Variants in MSI2 observed in about 807,000 individuals in gnomAD.
The protein encoded by MSI2 is musashi RNA binding protein 2.
Under a neutral mutation model 45.6 loss-of-function variants are expected in MSI2, and 17 were observed. The ratio of observed to expected loss-of-function variants is 0.37; its 90% CI spans 0.26 to 0.56. The LOEUF is 0.56. MSI2 is among the 20% of genes least tolerant of loss of function. MSI2 has a pLI of 0.77. For missense variants in MSI2, 293 were observed against 444.2 expected, an observed-to-expected ratio of 0.66 and a Z score of 3.06; for synonymous variants, 156 against 158.2, an observed-to-expected ratio of 0.99 and a Z score of 0.11.
intron 6 of MSI2, among the ~76,000 whole-genome samples, chr17:57,417,992 G>A (rs1476595908): frequency 1.3e-5 from 2 of 152,014 alleles, no homozygotes; most frequent in Non-Finnish European, 2.9e-5. Context: ...CCTCTCATTC[G>A]TAGCTCCAAG....
chr17:57,300,461 T>C (rs1911331437), intron 5 of MSI2, among the ~76,000 whole-genome samples: 1 of 152,214 alleles, frequency 6.6e-6, no homozygotes. Flanking sequence ...AGTATATTTC[T>C]CTATATTTTT....
At chr17:57,262,292 A>G in intron 5 of MSI2, 100 bp downstream of exon 5, 1 of 1,276,234 alleles carries the variant, frequency 7.8e-7, no homozygotes, top group East Asian at 2.3e-5. Flanking sequence ...GAAGCCTGGT[A>G]TTCACTGTTC....
intron 6 of MSI2, among the ~76,000 whole-genome samples, chr17:57,492,254 C>T (rs1190103230): frequency 6.6e-6 from 1 of 152,090 alleles, no homozygotes; most frequent in African/African-American, 2.4e-5. Flanking sequence ...ATATGAGTAC[C>T]GAAGGTGATG....
At position 57,605,288 on chromosome 17, in the gene MSI2, G is replaced by A. The variant is rs1215902084; in HGVS notation, c.537+8338G>A. Among the ~76,000 whole-genome samples the A allele has an allele frequency of 2.6e-5, 4 of 152,208 alleles. No homozygotes were observed. In the East Asian group the frequency reaches 7.7e-4, roughly 29 times the overall value. On this transcript the variant is annotated intron_variant, in intron 8 of 13. Coordinates refer to ENST00000284073, the MANE Select transcript of MSI2 (RefSeq NM_138962.4). The stretch of plus-strand genomic sequence containing the variant: ...AGAGCAGAGTGATTAGTGTGTTGGG[G>A]GAGGCCGGGTGGTTCGGTGGTAAAT...
At chr17:57,326,774 A>T (rs754231411) in intron 5 of MSI2, among the ~76,000 whole-genome samples, 1 of 152,218 alleles carries the variant, frequency 6.6e-6, no homozygotes, top group Non-Finnish European at 1.5e-5. Flanking sequence ...GCTGCTGCTG[A>T]AGTAGCTTGC....
intron 6 of MSI2, among the ~76,000 whole-genome samples, chr17:57,433,627 T>G (rs149542916): frequency 6.6e-6 from 1 of 152,342 alleles, no homozygotes; most frequent in East Asian, 1.9e-4. Flanking sequence ...AGCTGTGTTT[T>G]GAAGCCACGA....
In MSI2 at chr17:57,465,886, AG is replaced by A. The variant is rs535721923; in HGVS notation, c.406-63789del. Among the ~76,000 whole-genome samples, 100 of 152,310 alleles carry A rather than the reference AG, an allele frequency of 6.6e-4. 1 individual carries two copies. The highest frequency in any genetic ancestry group is 2.4e-3 in the African/African-American group (99 of 41,576). On this transcript the variant is annotated intron_variant, in intron 6 of 13. Coordinates refer to ENST00000284073, the MANE Select transcript of MSI2 (RefSeq NM_138962.4). ...TTTAGAGAACGTTAGCTCAGCTCTGAGCCCCGTAGAAGGGTTTCCAAAGTCT... is the reference window on the plus strand; with the variant it reads ...TTTAGAGAACGTTAGCTCAGCTCTGACCCCGTAGAAGGGTTTCCAAAGTCT...
chr17:57,474,171 G>A (rs969049205), intron 6 of MSI2, among the ~76,000 whole-genome samples: 3 of 152,026 alleles, frequency 2.0e-5, no homozygotes, highest in Admixed American at 6.6e-5. Context: ...ATGGGCCACC[G>A]GTACTGTTTC....
At chr17:57,583,282 G>A (rs1269300339) in intron 7 of MSI2, among the ~76,000 whole-genome samples, 1 of 152,174 alleles carries the variant, frequency 6.6e-6, no homozygotes, top group Non-Finnish European at 1.5e-5. Flanking sequence ...CTGTGCTCAG[G>A]TGAGTAAATG....
chr17:57,424,364 G>A (rs2084451957), intron 6 of MSI2, among the ~76,000 whole-genome samples: 1 of 152,226 alleles, frequency 6.6e-6, no homozygotes, highest in Non-Finnish European at 1.5e-5. Flanking sequence ...TAGCTTCTCT[G>A]AGTATTTGTT....
At chr17:57,598,123 G>T (rs1435409306) in intron 8 of MSI2, among the ~76,000 whole-genome samples, 1 of 152,222 alleles carries the variant, frequency 6.6e-6, no homozygotes, top group Non-Finnish European at 1.5e-5. Flanking sequence ...AAGCTCAGCA[G>T]GTGTTTCTGG....
chr17:57,304,152 A>G (rs1172246861), intron 5 of MSI2, among the ~76,000 whole-genome samples: 1 of 151,978 alleles, frequency 6.6e-6, no homozygotes, highest in Non-Finnish European at 1.5e-5. Flanking sequence ...AGGTCAGGAG[A>G]TTGAGACCAT....
chr17:57,534,538 C>A (rs2086883937), intron 7 of MSI2, among the ~76,000 whole-genome samples: 1 of 152,042 alleles, frequency 6.6e-6, no homozygotes, highest in Admixed American at 6.6e-5. Flanking sequence ...ATGGTGATAC[C>A]CTGTCTCTAC....
intron 6 of MSI2, among the ~76,000 whole-genome samples, chr17:57,425,880 T>G (rs1289958603): frequency 6.6e-6 from 1 of 152,248 alleles, no homozygotes; most frequent in Non-Finnish European, 1.5e-5. Context: ...TAAGGCAGCA[T>G]AAGAGTGAGC....
At chr17:57,540,843 C>T (rs1158653067) in intron 7 of MSI2, among the ~76,000 whole-genome samples, 1 of 152,184 alleles carries the variant, frequency 6.6e-6, no homozygotes, top group Non-Finnish European at 1.5e-5. Context: ...TAAGCTCCCC[C>T]CTCCCATTTG....
chr17:57,378,018 T>C (rs1340897770), intron 5 of MSI2, among the ~76,000 whole-genome samples: 1 of 146,672 alleles, frequency 6.8e-6, no homozygotes, highest in Non-Finnish European at 1.5e-5. Flanking sequence ...GAGCTTGCAG[T>C]GAACCGAGAT....
At chr17:57,695,912 T>C in the MSI2 span, among the ~76,000 whole-genome samples, 17 of 152,168 alleles carry the variant, frequency 1.1e-4, no homozygotes, top group African/African-American at 4.1e-4. Context: ...ACTGTGCGTG[T>C]GTGTGGTGAG....
At chr17:57,371,444 A>G (rs1276056933) in intron 5 of MSI2, among the ~76,000 whole-genome samples, 4 of 151,234 alleles carry the variant, frequency 2.6e-5, no homozygotes, top group East Asian at 3.9e-4. Flanking sequence ...CAACGCCACT[A>G]TTTACCATTC....
At chr17:57,547,312 G>A (rs1430462100) in intron 7 of MSI2, among the ~76,000 whole-genome samples, 1 of 152,188 alleles carries the variant, frequency 6.6e-6, no homozygotes, top group African/African-American at 2.4e-5. Flanking sequence ...CAGAAGGGCA[G>A]AGGCATATGG....
Sources: allele counts gnomAD v4.1 joint callset (sites outside exome capture counted in the v4.1 genomes callset), GRCh38; gene constraint gnomAD v4.1.1; transcripts MANE v1.5; gene names NCBI Gene and HGNC (gene_info 2026-07-23, HGNC 2026-07-21).